The following RNF126 variants were observed in gnomAD, a reference collection of about 807,000 sequenced individuals.
The protein encoded by RNF126 is E3 ubiquitin-protein ligase RNF126.
Under a neutral mutation model 41.9 loss-of-function variants are expected in RNF126, and 20 were observed. That is an observed-to-expected ratio of 0.48 (90% confidence interval 0.34 to 0.69). RNF126 has a LOEUF of 0.69. RNF126 is among the 30% of genes least tolerant of loss of function. RNF126 has a pLI of 0.01. For synonymous variants in RNF126, 239 were observed against 202.9 expected (o/e 1.18, Z -1.51); for missense variants, 433 against 460.6 (o/e 0.94, Z 0.55).
chr19:652,604 G>A (rs769930215), intron 2 of RNF126: 75 of 609,064 alleles, frequency 1.2e-4, no homozygotes, highest in Non-Finnish European at 1.9e-4. Flanking sequence ...AGGGAGGTGA[G>A]CGGCTGCACA....
At chr19:648,590 A>G (rs1216129207) in intron 7 of RNF126, 103 bp from the exon 8 acceptor site, 4 of 935,768 alleles carry the variant, frequency 4.3e-6, no homozygotes, top group African/African-American at 3.3e-5. Flanking sequence ...CCCTGAGCCC[A>G]GCGAGGGGAG....
At chr19:656,371 G>A (rs1242073585) in intron 1 of RNF126, among the ~76,000 whole-genome samples, 1 of 151,962 alleles carries the variant, frequency 6.6e-6, no homozygotes, top group African/African-American at 2.4e-5. Context: ...AAGAAAAAAA[G>A]GGCTGGGCAC....
chr19:660,732 C>T (rs1232775325), intron 1 of RNF126, among the ~76,000 whole-genome samples: 1 of 152,312 alleles, frequency 6.6e-6, no homozygotes, highest in Middle Eastern at 3.4e-3. Context: ...CAGGCTCAAG[C>T]GCTCCTCCCA....
intron 1 of RNF126, among the ~76,000 whole-genome samples, chr19:660,204 C>T (rs576903600): frequency 5.9e-5 from 9 of 152,390 alleles, no homozygotes; most frequent in Admixed American, 2.6e-4. Flanking sequence ...TCTGCACACA[C>T]GTGCCCACCA....
At chr19:662,892 G>A (rs1025416758) in intron 1 of RNF126, among the ~76,000 whole-genome samples, 155 bp downstream of exon 1, 3 of 152,040 alleles carry the variant, frequency 2.0e-5, no homozygotes, top group Non-Finnish European at 4.4e-5. Context: ...GCTCCCCGCG[G>A]ATTCAGCCTG....
intron 1 of RNF126, among the ~76,000 whole-genome samples, chr19:653,622 C>G (rs2030428578): frequency 6.6e-6 from 1 of 152,206 alleles, no homozygotes; most frequent in Admixed American, 6.5e-5. Context: ...ATGGCTGGGC[C>G]CCTGGTGATG....
rs3170527 is a variant in RNF126, at chr19:648,014, A to G, written c.*114T>C. 0.057 allele frequency: 70,054 copies of G among 1,238,990 alleles called. 2,280 individuals carry two copies. Among genetic ancestry groups the G allele is most frequent in the Non-Finnish European group, 0.06 (55,192 of 918,330 alleles). 76.7% of individuals were successfully genotyped at this position (1,238,990 alleles called of 1,614,324 possible). ...CTGCCCTGGAACAGGCGGGACCTGC[A>G]GCGCTGACCAGCCAAGCGTGGCGCC... On this transcript the variant is annotated 3_prime_UTR_variant, in exon 9 of 9. Transcript: ENST00000292363.
At chr19:657,326 G>C (rs774507945) in intron 1 of RNF126, among the ~76,000 whole-genome samples, 1 of 152,234 alleles carries the variant, frequency 6.6e-6, no homozygotes, top group African/African-American at 2.4e-5. Context: ...CTGGCTTTCT[G>C]TCGGGCTCCC....
At chr19:662,898 G>C (rs998396893) in intron 1 of RNF126, 149 bp downstream of exon 1, 1 of 328,646 alleles carries the variant, frequency 3.0e-6, no homozygotes, top group African/African-American at 2.2e-5. Context: ...CGCGGATTCA[G>C]CCTGGGCCGG....
chr19:662,718 T>G (rs1202213024), intron 1 of RNF126, among the ~76,000 whole-genome samples: 1 of 151,922 alleles, frequency 6.6e-6, no homozygotes, highest in Non-Finnish European at 1.5e-5. Flanking sequence ...TCACCGGGCT[T>G]AGGGATCCCA....
In RNF126 at chr19:648,390, G is replaced by T; in HGVS notation, c.768C>A (p.Ile256=). 6.4e-7 allele frequency: 1 copy of T among 1,558,338 alleles called. No individual in the cohort carries two copies. The highest frequency in any genetic ancestry group is 8.6e-7 in the Non-Finnish European group (1 of 1,157,212). ...CACTCACCTGCTCCAGCCAGGGCAC[G>T]ATGCAGCCGTCGTGGAACAGGTGGT... ...PCNHLFHDGC[I]VPWLEQHDSC... The change falls in exon 8 of 9, where the codon ATC becomes ATA. Residue 256 remains isoleucine (I), a synonymous_variant. Transcript: ENST00000292363.
chr19:648,447 C>G lies in RNF126; in HGVS notation c.711G>C (p.Ala237=), dbSNP rs779853295. 1.3e-6 allele frequency: 2 copies of G among 1,590,550 alleles called. No homozygotes were observed. The highest frequency in any genetic ancestry group is 2.3e-5 in the East Asian group (1 of 43,516). ...LECPVCKDDY[A]LGERVRQLPC... is the part of the protein sequence containing the mutation. ...GCAGCTGCCGCACACGCTCACCCAG[C>G]GCGTAGTCGTCCTTGCACACAGGGC... is the stretch of plus-strand genomic sequence containing the variant. Residue 237 remains alanine (A), a synonymous_variant, in exon 8 of 9, where the codon GCG becomes GCC. Transcript: ENST00000292363.
At chr19:652,785 CG>C in intron 2 of RNF126, 40 bp downstream of exon 2, 1 of 1,587,858 alleles carries the variant, frequency 6.3e-7, no homozygotes, top group Non-Finnish European at 8.6e-7. Flanking sequence ...AGCTGAGGCC[CG>C]GCTGGCTCTT....
intron 2 of RNF126, 147 bp downstream of exon 2, chr19:652,679 T>G (rs923292578): frequency 6.0e-5 from 44 of 728,884 alleles, no homozygotes; most frequent in East Asian, 2.4e-4. Context: ...CGCTGCTGTC[T>G]GCACAGAGAA....
intron 1 of RNF126, among the ~76,000 whole-genome samples, chr19:653,677 T>C (rs1306033982): frequency 6.6e-6 from 1 of 152,186 alleles, no homozygotes; most frequent in Non-Finnish European, 1.5e-5. Flanking sequence ...GAAACGTGCA[T>C]GGTGCCTCCC....
In RNF126 at chr19:648,302, G is replaced by A. The variant is rs770798112; in HGVS notation, c.787-25C>T. 1.2e-5 allele frequency: 18 copies of A among 1,546,128 alleles called. No homozygotes were observed. The South Asian group carries it at 1.4e-4, about 12-fold the overall frequency. ...GCTTTGTGGGGACAGAGGCAGGGAC[G>A]GGAGAAGGGGCAGGTTAGAGGCGGG... On this transcript the variant is annotated intron_variant, in intron 8 of 8. Transcript: ENST00000292363.
chr19:654,321 C>T (rs1486796098), intron 1 of RNF126, among the ~76,000 whole-genome samples: 2 of 152,238 alleles, frequency 1.3e-5, no homozygotes, highest in African/African-American at 2.4e-5. Context: ...ACATGCGTTT[C>T]AGCCCACGCC....
chr19:658,969 A>G (rs1349004636), intron 1 of RNF126, among the ~76,000 whole-genome samples: 3 of 152,186 alleles, frequency 2.0e-5, no homozygotes, highest in Non-Finnish European at 4.4e-5. Flanking sequence ...CCCCAGCGCC[A>G]GCCGGCCAGA....
intron 3 of RNF126, 182 bp from the exon 4 acceptor site, chr19:652,037 T>C (rs2030327751): frequency 2.9e-6 from 2 of 690,376 alleles, no homozygotes; most frequent in Non-Finnish European, 4.6e-6. Context: ...GATGCCTCGG[T>C]GGAAGTTTCG....
Sources: gnomAD v4.1 joint callset for allele counts (sites outside exome capture counted in the v4.1 genomes callset) on GRCh38, gnomAD v4.1.1 for gene constraint, MANE v1.5 for transcripts, NCBI Gene and HGNC (gene_info 2026-07-23, HGNC 2026-07-21) for gene names.